SNX22: variants seen among roughly 807,000 people sequenced by gnomAD.
SNX22 encodes sorting nexin 22.
In SNX22, 23 loss-of-function variants were observed where a neutral mutation model predicts 24.7. That is an observed-to-expected ratio of 0.93 (90% confidence interval 0.67 to 1.32). The LOEUF (loss-of-function observed/expected upper bound fraction) is 1.32, where lower values mean the gene tolerates loss of function less well. Ranked by LOEUF, SNX22 falls within the 40% of genes most tolerant of loss-of-function variation. The pLI is 0.00. For missense variants in SNX22, 261 were observed against 249.9 expected, an observed-to-expected ratio of 1.04 and a Z score of -0.30; for synonymous variants, 99 against 104.0, an observed-to-expected ratio of 0.95 and a Z score of 0.29.
chr15:64,152,140 G>C (rs2081490649), intron 1 of SNX22, 103 bp from the exon 2 acceptor site: 1 of 1,165,606 alleles, frequency 8.6e-7, no homozygotes, highest in Admixed American at 4.0e-5. Context: ...AGGCCGCTTT[G>C]TGCCTTTGAG....
chr15:64,156,649 G>T lies in SNX22; in HGVS notation c.*2141G>T. 1 of 1,560,338 alleles carries T rather than the reference G, an allele frequency of 6.4e-7. No individual in the cohort carries two copies. The highest frequency in any genetic ancestry group is 8.8e-7 in the Non-Finnish European group (1 of 1,131,336). The stretch of plus-strand genomic sequence containing the variant: ...CCTTTTGGGAAAGGGATGGACACAT[G>T]GAGCTCCTGCCCTGGGGTCTGTGTT... On this transcript the variant is annotated 3_prime_UTR_variant, in exon 7 of 7. Coordinates refer to ENST00000325881, the MANE Select transcript of SNX22 (RefSeq NM_024798.3). This position sits in a 1 kb window ranked among gnomAD's most constrained non-coding sequence, Gnocchi z 6.4.
chr15:64,155,613 T>C lies in SNX22; in HGVS notation c.*1105T>C. 4.1e-6 allele frequency: 1 copy of C among 245,338 alleles called. No homozygotes were observed. Among genetic ancestry groups the C allele is most frequent in the Non-Finnish European group, 8.0e-6 (1 of 125,548 alleles). 15.2% of individuals were successfully genotyped at this position (245,338 alleles called of 1,614,324 possible). A position where few individuals can be genotyped will look rare whatever the true frequency, so the allele number is the denominator to read the frequency against. On this transcript the variant is annotated 3_prime_UTR_variant, in exon 7 of 7. Transcript: ENST00000325881. ...GGAGGGTGGTGGCAAGGGGAGCAAA[T>C]GTGGAGGCCCAGTAGCTGGCAAAGT... is the stretch of plus-strand genomic sequence containing the variant.
chr15:64,153,377 C>T (rs1384312488), intron 4 of SNX22, 38 bp downstream of exon 4: 1 of 1,612,210 alleles, frequency 6.2e-7, no homozygotes, highest in East Asian at 2.2e-5. Context: ...GGGCTGTCAG[C>T]AGTGAGCAGG....
At position 64,156,887 on chromosome 15, in the gene SNX22, G is replaced by C. The variant is rs1220520351; in HGVS notation, c.*2379G>C. 1.2e-6 allele frequency: 2 copies of C among 1,614,192 alleles called. No homozygotes were observed. Among genetic ancestry groups the C allele is most frequent in the Non-Finnish European group, 1.7e-6 (2 of 1,180,032 alleles). ...TCAGTTTGAAGTTCTCATCGGGGAA[G>C]CGCTCACCGTAGATGCTCTTTCCTG... is the stretch of plus-strand genomic sequence containing the variant. On this transcript the variant is annotated 3_prime_UTR_variant, in exon 7 of 7. Coordinates refer to ENST00000325881, the MANE Select transcript of SNX22 (RefSeq NM_024798.3). The surrounding 1 kb of genome is among the most constrained non-coding windows in gnomAD (Gnocchi z 6.4).
rs750224590 is a variant in SNX22 at position 64,153,329 on chromosome 15, A to G, written c.349A>G (p.Ser117Gly). 4.3e-6 allele frequency: 7 copies of G among 1,613,214 alleles called. No homozygotes were observed. The African/African-American group carries it at 9.3e-5, about 22-fold the overall frequency. Residue 117 changes from serine (S) to glycine (G), a missense_variant, in exon 4 of 7, where the codon AGC becomes GGC. By Grantham distance (56) the Ser-to-Gly change is moderately conservative. Transcript: ENST00000325881. ...GCACTTCCCCACAGACCCCAAGGCT[A>G]GCAACTGGGGGTAAGGGGGGCCGAT... Reference protein sequence around the residue: ...LRHFPTDPKASNWGTLREFLP... With the variant: ...LRHFPTDPKAGNWGTLREFLP...
Position 64,151,732 on chromosome 15 carries a change from G to A in SNX22, c.-44G>A. The A allele has an allele frequency of 1.3e-6, 2 of 1,513,764 alleles. No individual in the cohort carries two copies. The highest frequency in any genetic ancestry group is 2.5e-5 in the South Asian group (2 of 81,020). The allele number at this position is 1,513,764 out of a possible 1,614,324, so 93.8% of individuals were successfully genotyped here. On this transcript the variant is annotated 5_prime_UTR_variant, in exon 1 of 7. Coordinates refer to ENST00000325881, the MANE Select transcript of SNX22 (RefSeq NM_024798.3). Reference sequence around the variant, plus strand: ...TCCTCAGTCCGCTCCGGGAGAGTTAGGGCTCCGAGCCGAGCGCGCGGAGCA... The same window carrying A: ...TCCTCAGTCCGCTCCGGGAGAGTTAAGGCTCCGAGCCGAGCGCGCGGAGCA...
chr15:64,157,211 C>T lies in SNX22; in HGVS notation c.*2703C>T. ...TGTTATCAGCTCCCCTTAGCTATGGCCCAGGCCTGCCACGGAGGGACTTTG... is the reference window on the plus strand; with the variant it reads ...TGTTATCAGCTCCCCTTAGCTATGGTCCAGGCCTGCCACGGAGGGACTTTG... On this transcript the variant is annotated 3_prime_UTR_variant, in exon 7 of 7. Transcript: ENST00000325881. This position sits in a 1 kb window ranked among gnomAD's most constrained non-coding sequence, Gnocchi z 4.2. 2.3e-6 allele frequency: 1 copy of T among 431,372 alleles called. No individual in the cohort carries two copies. The highest frequency in any genetic ancestry group is 4.3e-6 in the Non-Finnish European group (1 of 234,374). The allele number at this position is 431,372 out of a possible 1,614,324, so 26.7% of individuals were successfully genotyped here. A position where few individuals can be genotyped will look rare whatever the true frequency, so the allele number is the denominator to read the frequency against.
chr15:64,154,358 G>A (rs747161722), intron 6 of SNX22, 29 bp from the exon 7 acceptor site: 3 of 1,613,860 alleles, frequency 1.9e-6, no homozygotes, highest in Middle Eastern at 1.7e-4. Flanking sequence ...GCAGGTCTGA[G>A]GCCAGACCTG....
In SNX22 at chr15:64,152,618, AC is replaced by A; in HGVS notation, c.160-19del. 6.2e-7 allele frequency: 1 copy of A among 1,610,706 alleles called. No homozygotes were observed. Among genetic ancestry groups the A allele is most frequent in the Non-Finnish European group, 8.5e-7 (1 of 1,177,076 alleles). On this transcript the variant is annotated intron_variant, in intron 2 of 6. Transcript: ENST00000325881. ...GGCTCAGTCGGGATGCTGTGATCGC[AC>A]GCGGTAAACCTCCAGTAGATCAAGA...
At chr15:64,152,455 G>A (rs1468765676) in intron 2 of SNX22, 129 bp downstream of exon 2, 1 of 1,259,480 alleles carries the variant, frequency 7.9e-7, no homozygotes, top group East Asian at 2.5e-5. Flanking sequence ...CTGCGCAGCC[G>A]GTCAGCCCCC....
chr15:64,153,501 T>C (rs2081502356), intron 4 of SNX22, 151 bp from the exon 5 acceptor site: 1 of 1,490,494 alleles, frequency 6.7e-7, no homozygotes, highest in Admixed American at 1.8e-5. Flanking sequence ...TGGACAGACT[T>C]GGTTACCCCC....
chr15:64,153,186 C>A lies in SNX22; in HGVS notation c.265-59C>A, dbSNP rs2081499817. 3.4e-5 allele frequency: 54 copies of A among 1,593,000 alleles called. 1 individual carries two copies. In the South Asian group the frequency reaches 3.8e-4, roughly 11 times the overall value. ...ACAAAGAGCCCTGCATTTTCACTGG[C>A]ACTGCGCTATGCAAATTAGTAGCTG... On this transcript the variant is annotated intron_variant, in intron 3 of 6. Transcript: ENST00000325881.
Position 64,152,757 on chromosome 15 carries a change from A to C in SNX22, c.264+15A>C. On this transcript the variant is annotated intron_variant, in intron 3 of 6. Coordinates refer to ENST00000325881, the MANE Select transcript of SNX22 (RefSeq NM_024798.3). ...CTTACATCCAGGTATGCGAGAGCAC[A>C]GTTGGTTGCCCCCCGGCCTTCTGTG... 1 of 1,612,130 alleles carries C rather than the reference A, an allele frequency of 6.2e-7. No individual in the cohort carries two copies. The highest frequency in any genetic ancestry group is 8.5e-7 in the Non-Finnish European group (1 of 1,178,346).
Position 64,156,309 on chromosome 15 carries a change from G to C in SNX22, c.*1801G>C. 2 of 931,962 alleles carry C rather than the reference G, an allele frequency of 2.1e-6. No homozygotes were observed. Among genetic ancestry groups the C allele is most frequent in the East Asian group, 2.6e-5 (1 of 37,994 alleles). The allele number at this position is 931,962 out of a possible 1,614,324, so 57.7% of individuals were successfully genotyped here. On this transcript the variant is annotated 3_prime_UTR_variant, in exon 7 of 7. Transcript: ENST00000325881. This position sits in a 1 kb window ranked among gnomAD's most constrained non-coding sequence, Gnocchi z 6.4. ...CTAACAGACTCCTGGCCAGAGCAGG[G>C]AGAATGCAGATTTGACGAGGGGGTA...
At position 64,156,019 on chromosome 15, in the gene SNX22, T is replaced by C. The variant is rs1005144213; in HGVS notation, c.*1511T>C. On this transcript the variant is annotated 3_prime_UTR_variant, in exon 7 of 7. Coordinates refer to ENST00000325881, the MANE Select transcript of SNX22 (RefSeq NM_024798.3). This position sits in a 1 kb window ranked among gnomAD's most constrained non-coding sequence, Gnocchi z 6.4. The stretch of plus-strand genomic sequence containing the variant: ...GGTCACTCAAAGAAAGATGTCCCTG[T>C]GCCCTACTCCTTGGCGATGGCAAAG... 6.2e-7 allele frequency: 1 copy of C among 1,614,054 alleles called. No homozygotes were observed. Among genetic ancestry groups the C allele is most frequent in the African/African-American group, 1.3e-5 (1 of 74,928 alleles).
At chr15:64,153,029 G>A in intron 3 of SNX22, 1 of 633,562 alleles carries the variant, frequency 1.6e-6, no homozygotes, top group Non-Finnish European at 2.7e-6. Context: ...TGTAGGGTGA[G>A]GGTCCTTCCC....
At position 64,156,458 on chromosome 15, in the gene SNX22, G is replaced by A. The variant is rs939415650; in HGVS notation, c.*1950G>A. 4 of 617,760 alleles carry A rather than the reference G, an allele frequency of 6.5e-6. No individual in the cohort carries two copies. In the East Asian group the frequency reaches 1.1e-4, roughly 17 times the overall value. The allele number at this position is 617,760 out of a possible 1,614,324, so 38.3% of individuals were successfully genotyped here. A position where few individuals can be genotyped will look rare whatever the true frequency, so the allele number is the denominator to read the frequency against. ...TCAGCTGCACTCTGTATACCTCAGG[G>A]GTGGGACCAGCACGTCACTGAGTGA... On this transcript the variant is annotated 3_prime_UTR_variant, in exon 7 of 7. Transcript: ENST00000325881. The surrounding 1 kb of genome is among the most constrained non-coding windows in gnomAD (Gnocchi z 6.4).
chr15:64,152,851 T>C, intron 3 of SNX22, 109 bp downstream of exon 3: 1 of 885,090 alleles, frequency 1.1e-6, no homozygotes, highest in Non-Finnish European at 1.8e-6. Flanking sequence ...TTGGGGATGT[T>C]ATTCACCACC....
Position 64,156,148 on chromosome 15 carries a change from G to C in SNX22, c.*1640G>C. On this transcript the variant is annotated 3_prime_UTR_variant, in exon 7 of 7. Transcript: ENST00000325881. The surrounding 1 kb of genome is among the most constrained non-coding windows in gnomAD (Gnocchi z 6.4). Reference sequence around the variant, plus strand: ...CTCTCCACCTTCCGCACCACCTCCTGGAAAAGAAAGGTGGAAGCAGGAGGG... The same window carrying C: ...CTCTCCACCTTCCGCACCACCTCCTCGAAAAGAAAGGTGGAAGCAGGAGGG... 2 of 1,614,060 alleles carry C rather than the reference G, an allele frequency of 1.2e-6. No individual in the cohort carries two copies. The highest frequency in any genetic ancestry group is 1.1e-5 in the South Asian group (1 of 91,068).
Sources: allele counts gnomAD v4.1 joint callset, GRCh38; gene constraint gnomAD v4.1.1; non-coding constraint Gnocchi (gnomAD v3.1); transcripts MANE v1.5; gene names NCBI Gene and HGNC (gene_info 2026-07-23, HGNC 2026-07-21).